The following PPP2R3B variants were observed in gnomAD, a reference collection of about 807,000 sequenced individuals.
PPP2R3B encodes the protein serine/threonine-protein phosphatase 2A regulatory subunit B'' subunit beta.
PPP2R3B carries 68 observed loss-of-function variants against 72.9 expected under a neutral mutation model. The observed-to-expected ratio is 0.93, with a 90% confidence interval of 0.77 to 1.14. PPP2R3B has a LOEUF of 1.14. Ranked by LOEUF, PPP2R3B falls within the 50% of genes most tolerant of loss-of-function variation. The probability of loss-of-function intolerance (pLI) is 0.00; values close to 1 mark genes in which losing one functional copy is unlikely to be tolerated. For synonymous variants in PPP2R3B, 466 were observed against 375.8 expected (o/e 1.24, Z -2.78); for missense variants, 1,018 against 842.0 (o/e 1.21, Z -2.59).
chrX:351,249 G>C (rs28406452), intron 2 of PPP2R3B, among the ~76,000 whole-genome samples: 1 of 152,096 alleles, frequency 6.6e-6, no homozygotes, highest in African/African-American at 2.4e-5. Context: ...GGGAGGGAAC[G>C]AGCCGGGTGC....
At chrX:381,885 A>C (rs1429235948) in intron 1 of PPP2R3B, among the ~76,000 whole-genome samples, 1 of 152,130 alleles carries the variant, frequency 6.6e-6, no homozygotes, top group Non-Finnish European at 1.5e-5. Context: ...GGCATGAGCC[A>C]CCGTGCCCAG....
intron 1 of PPP2R3B, among the ~76,000 whole-genome samples, chrX:362,044 C>T (rs2071552786): frequency 2.0e-5 from 3 of 152,150 alleles, no homozygotes; most frequent in Non-Finnish European, 1.5e-5. Context: ...CCACAGGCAA[C>T]CCTGTCCCTG....
chrX:383,785 C>T (rs1246923540), intron 1 of PPP2R3B, among the ~76,000 whole-genome samples: 1 of 135,536 alleles, frequency 7.4e-6, no homozygotes, highest in East Asian at 2.3e-4. Context: ...TTGCAGTGAG[C>T]CGAGATCGCG....
chrX:347,201 G>T, intron 4 of PPP2R3B, 33 bp downstream of exon 4: 3 of 1,564,540 alleles, frequency 1.9e-6, no homozygotes, highest in Non-Finnish European at 2.6e-6. Context: ...TCCCGTGAAG[G>T]ATAAGGCCTG....
chrX:341,656 A>ACCTGGGG, intron 8 of PPP2R3B: 1 of 651,414 alleles, frequency 1.5e-6, no homozygotes, highest in Non-Finnish European at 2.7e-6. Context: ...AGAACCCCCG[A>ACCTGGGG]CCTGGGGCCT....
At position 334,235 on chromosome X, in the gene PPP2R3B, T is replaced by C. The variant is rs1179155940; in HGVS notation, c.*132A>G. The C allele has an allele frequency of 3.5e-6, 4 of 1,128,272 alleles. No individual in the cohort carries two copies. Among genetic ancestry groups the C allele is most frequent in the Non-Finnish European group, 4.7e-6 (4 of 857,348 alleles). 69.9% of individuals were successfully genotyped at this position (1,128,272 alleles called of 1,614,324 possible). On this transcript the variant is annotated 3_prime_UTR_variant, in exon 13 of 13. Transcript: ENST00000390665. ...GAACCCACAGCGGCAATCAACACGC[T>C]TCTGTGAATAAATAAAAGTTTATCA...
chrX:378,997 G>A lies in PPP2R3B; in HGVS notation c.324+7371C>T, dbSNP rs375037958. On this transcript the variant is annotated intron_variant, in intron 1 of 12. Coordinates refer to ENST00000390665, the MANE Select transcript of PPP2R3B (RefSeq NM_013239.5). Reference sequence around the variant, plus strand: ...GTTTGTTAAGAACTTCTAATGAAACGTTAAGATAACCACACCTGTATGTAC... The same window carrying A: ...GTTTGTTAAGAACTTCTAATGAAACATTAAGATAACCACACCTGTATGTAC... 1.8e-4 allele frequency among the ~76,000 whole-genome samples: 28 copies of A among 152,320 alleles called. 1 individual carries two copies. Among genetic ancestry groups the A allele is most frequent in the African/African-American group, 5.8e-4 (24 of 41,566 alleles).
At chrX:360,900 C>T (rs1448759066) in intron 2 of PPP2R3B, among the ~76,000 whole-genome samples, 5 of 152,182 alleles carry the variant, frequency 3.3e-5, no homozygotes, top group Non-Finnish European at 4.4e-5. Context: ...GGAAAGCAGG[C>T]GGCGAATGAT....
At chrX:371,131 C>A (rs2071852591) in intron 1 of PPP2R3B, among the ~76,000 whole-genome samples, 2 of 152,170 alleles carry the variant, frequency 1.3e-5, no homozygotes, top group Non-Finnish European at 1.5e-5. Flanking sequence ...GCCCGAGAAT[C>A]CCTGGGCAGG....
intron 12 of PPP2R3B, chrX:337,471 A>G: frequency 6.6e-6 from 1 of 152,352 alleles, no homozygotes. Context: ...TGAGAAGCTC[A>G]GCACGGGATG....
At chrX:369,094 C>A (rs769555745) in intron 1 of PPP2R3B, among the ~76,000 whole-genome samples, 2 of 152,244 alleles carry the variant, frequency 1.3e-5, no homozygotes, top group Non-Finnish European at 2.9e-5. Context: ...TCGGGCTGAG[C>A]TGCAGGTCTC....
intron 2 of PPP2R3B, among the ~76,000 whole-genome samples, chrX:359,681 A>T: frequency 6.6e-6 from 1 of 152,376 alleles, no homozygotes; most frequent in Non-Finnish European, 1.5e-5. Flanking sequence ...GGAGTGACTT[A>T]GCAAAAACAA....
chrX:355,681 T>G (rs1414166627), intron 2 of PPP2R3B, among the ~76,000 whole-genome samples: 1 of 151,088 alleles, frequency 6.6e-6, no homozygotes, highest in Non-Finnish European at 1.5e-5. Context: ...ATGGTTACGG[T>G]GGTGAATTCT....
intron 1 of PPP2R3B, among the ~76,000 whole-genome samples, chrX:382,508 C>CTGCCCGTCATCCCTCCCAGAATG (rs753642631): frequency 0.025 from 3,768 of 151,978 alleles, 112 homozygotes; most frequent in African/African-American, 0.069. Flanking sequence ...TCATTTTCAC[C>CTGCCCGTCATCCCTCCCAGAATG]GCCTCCCTTG....
chrX:347,818 G>A lies in PPP2R3B; in HGVS notation c.511-125C>T, dbSNP rs1170031433. The A allele has an allele frequency of 1.4e-5, 10 of 695,756 alleles. No homozygotes were observed. In the East Asian group the frequency reaches 2.0e-4, roughly 14 times the overall value. The allele number at this position is 695,756 out of a possible 1,614,324, so 43.1% of individuals were successfully genotyped here. ...GCTGCAGAAAGACACAGCACGCTCAGCGCGGCCTGTCTGGGCATCTGCAAA... is the reference window on the plus strand; with the variant it reads ...GCTGCAGAAAGACACAGCACGCTCAACGCGGCCTGTCTGGGCATCTGCAAA... On this transcript the variant is annotated intron_variant, in intron 2 of 12. Coordinates refer to ENST00000390665, the MANE Select transcript of PPP2R3B (RefSeq NM_013239.5).
chrX:373,617 A>C, intron 1 of PPP2R3B: 1 of 293,514 alleles, frequency 3.4e-6, no homozygotes, highest in South Asian at 2.6e-5. Flanking sequence ...CTCCTGGCGC[A>C]GGTCGGGGTC....
At chrX:345,045 T>C in intron 7 of PPP2R3B, 1 of 386,880 alleles carries the variant, frequency 2.6e-6, no homozygotes, top group South Asian at 1.9e-5. Flanking sequence ...GTGGCTGCTG[T>C]GAGGACACCT....
intron 7 of PPP2R3B, among the ~76,000 whole-genome samples, chrX:344,473 G>T (rs992045492): frequency 4.6e-5 from 7 of 152,370 alleles, no homozygotes; most frequent in African/African-American, 1.2e-4. Flanking sequence ...GCTTCAGGCC[G>T]CAGTGCGTGA....
In PPP2R3B at chrX:341,815, C is replaced by G. The variant is rs1169668889; in HGVS notation, c.1085+68G>C. On this transcript the variant is annotated intron_variant, in intron 8 of 12. Coordinates refer to ENST00000390665, the MANE Select transcript of PPP2R3B (RefSeq NM_013239.5). ...GGCACAAAAAGCTCACGTCAGGCAA[C>G]GATGAGGAGAGGGACCGGGGTCCTC... is the stretch of plus-strand genomic sequence containing the variant. 1.9e-6 allele frequency: 3 copies of G among 1,553,332 alleles called. No individual in the cohort carries two copies. In the South Asian group the frequency reaches 3.3e-5, roughly 17 times the overall value.
Sources: gnomAD v4.1 joint callset for allele counts (sites outside exome capture counted in the v4.1 genomes callset) on GRCh38, gnomAD v4.1.1 for gene constraint, MANE v1.5 for transcripts, NCBI Gene and HGNC (gene_info 2026-07-23, HGNC 2026-07-21) for gene names.